The following ST6GALNAC5 variants were observed in gnomAD, a reference collection of about 807,000 sequenced individuals.
The protein encoded by ST6GALNAC5 is ST6 N-acetylgalactosaminide alpha-2,6-sialyltransferase 5, also known as alpha-N-acetylgalactosaminide alpha-2,6-sialyltransferase 5.
Under a neutral mutation model 33.6 loss-of-function variants are expected in ST6GALNAC5, and 27 were observed. The observed-to-expected ratio is 0.80, with a 90% CI of 0.59 to 1.11. The LOEUF is 1.11. ST6GALNAC5 is among the 50% of genes least tolerant of loss of function. ST6GALNAC5 has a pLI of 0.00. For missense variants in ST6GALNAC5, 428 were observed against 454.0 expected, an observed-to-expected ratio of 0.94 and a Z score of 0.52; for synonymous variants, 194 against 171.2, an observed-to-expected ratio of 1.13 and a Z score of -1.04.
At chr1:76,986,347 G>A (rs926537427) in intron 2 of ST6GALNAC5, among the ~76,000 whole-genome samples, 13 of 152,160 alleles carry the variant, frequency 8.5e-5, no homozygotes, top group Non-Finnish European at 1.6e-4. Context: ...ATCAAAAAGT[G>A]TGCAAAGATA....
chr1:76,989,777 G>A (rs1354492499), intron 2 of ST6GALNAC5, among the ~76,000 whole-genome samples: 2 of 151,992 alleles, frequency 1.3e-5, no homozygotes, highest in Non-Finnish European at 2.9e-5. Context: ...TCTTTTTTAT[G>A]AAATTCATTA....
At chr1:76,942,880 A>T (rs546426455) in intron 2 of ST6GALNAC5, among the ~76,000 whole-genome samples, 4 of 152,076 alleles carry the variant, frequency 2.6e-5, no homozygotes, top group Admixed American at 2.6e-4. Context: ...CATCCACAGT[A>T]TCTGATTTAT....
intron 2 of ST6GALNAC5, among the ~76,000 whole-genome samples, chr1:76,875,861 G>A (rs143268857): frequency 0.039 from 5,907 of 152,046 alleles, 196 homozygotes; most frequent in African/African-American, 0.087. Flanking sequence ...AGTTGGCATT[G>A]TAATTGTGAC....
At chr1:76,914,759 ACCATTC>A (rs1249983360) in intron 2 of ST6GALNAC5, among the ~76,000 whole-genome samples, 3 of 152,194 alleles carry the variant, frequency 2.0e-5, no homozygotes, top group African/African-American at 7.2e-5. Flanking sequence ...CCTAGGCATT[ACCATTC>A]AGGACATAGG....
At chr1:77,035,478 A>C (rs1278805932) in intron 2 of ST6GALNAC5, among the ~76,000 whole-genome samples, 2 of 152,168 alleles carry the variant, frequency 1.3e-5, no homozygotes, top group African/African-American at 4.8e-5. Flanking sequence ...TTGCTAGCTA[A>C]GACTAGAAAA....
At chr1:76,954,689 G>C (rs1003521336) in intron 2 of ST6GALNAC5, among the ~76,000 whole-genome samples, 3 of 152,128 alleles carry the variant, frequency 2.0e-5, no homozygotes, top group African/African-American at 7.2e-5. Flanking sequence ...GCCTCAGAGG[G>C]AGGAAGCAGG....
intron 2 of ST6GALNAC5, among the ~76,000 whole-genome samples, chr1:77,025,172 C>T (rs1557765667): frequency 6.6e-6 from 1 of 152,202 alleles, no homozygotes; most frequent in Admixed American, 6.5e-5. Flanking sequence ...TTAGAATTTA[C>T]ATTCTTACGC....
intron 2 of ST6GALNAC5, among the ~76,000 whole-genome samples, chr1:76,988,397 C>T (rs1557750145): frequency 6.6e-6 from 1 of 151,860 alleles, no homozygotes; most frequent in Non-Finnish European, 1.5e-5. Context: ...TATTTTTGTG[C>T]TCTTATTAGA....
rs534821457 is a variant in ST6GALNAC5 at position 76,912,781 on chromosome 1, T to A, written c.261+44039T>A. On this transcript the variant is annotated intron_variant, in intron 2 of 4. Coordinates refer to ENST00000477717, the MANE Select transcript of ST6GALNAC5 (RefSeq NM_030965.3). ...TTTTTGTTTTCCATTTGCTGGTAGA[T>A]CTTCCATCCTTTTATTTTGAGCCTA... 5.3e-5 allele frequency among the ~76,000 whole-genome samples: 8 copies of A among 152,274 alleles called. No individual in the cohort carries two copies. The South Asian group carries it at 1.7e-3, about 32-fold the overall frequency.
At chr1:76,991,295 A>G (rs1022136084) in intron 2 of ST6GALNAC5, among the ~76,000 whole-genome samples, 12 of 152,220 alleles carry the variant, frequency 7.9e-5, no homozygotes, top group African/African-American at 2.4e-4. Context: ...GAAAGCAAAT[A>G]CAAGATTATT....
intron 2 of ST6GALNAC5, among the ~76,000 whole-genome samples, chr1:76,949,109 T>C (rs1370573613): frequency 1.3e-5 from 2 of 152,172 alleles, no homozygotes; most frequent in African/African-American, 4.8e-5. Flanking sequence ...GCCAGGTATG[T>C]GCTCAGCCAC....
chr1:77,019,873 T>C (rs78651287), intron 2 of ST6GALNAC5, among the ~76,000 whole-genome samples: 4,988 of 152,292 alleles, frequency 0.033, 196 homozygotes, highest in African/African-American at 0.094. Context: ...ATGGTTCATT[T>C]CTAACCCCCA....
In ST6GALNAC5 at chr1:76,898,248, G is replaced by T. The variant is rs531718008; in HGVS notation, c.261+29506G>T. Among the ~76,000 whole-genome samples the T allele has an allele frequency of 2.0e-5, 3 of 152,330 alleles. No homozygotes were observed. The South Asian group carries it at 6.2e-4, about 32-fold the overall frequency. On this transcript the variant is annotated intron_variant, in intron 2 of 4. Transcript: ENST00000477717. ...CCAGCACTTGTAGCAAGCTCCTGGG[G>T]GAGGAGGTTCTGGAGGAACCCCTGG...
intron 2 of ST6GALNAC5, among the ~76,000 whole-genome samples, chr1:76,982,091 A>G (rs1001941045): frequency 1.3e-5 from 2 of 152,220 alleles, no homozygotes; most frequent in Admixed American, 1.3e-4. Context: ...TCTGAAAATC[A>G]GAGCACCTCT....
chr1:77,057,107 C>T (rs1002264280), intron 4 of ST6GALNAC5, among the ~76,000 whole-genome samples: 2 of 152,156 alleles, frequency 1.3e-5, no homozygotes, highest in African/African-American at 4.8e-5. Context: ...TCAAACATTT[C>T]CTGAGTACCT....
At chr1:77,020,936 G>A (rs554441098) in intron 2 of ST6GALNAC5, among the ~76,000 whole-genome samples, 10 of 152,240 alleles carry the variant, frequency 6.6e-5, no homozygotes, top group African/African-American at 1.9e-4. Flanking sequence ...CCGGGGTTCC[G>A]CACAGCATGG....
At chr1:76,933,160 T>C (rs1647161892) in intron 2 of ST6GALNAC5, among the ~76,000 whole-genome samples, 1 of 152,060 alleles carries the variant, frequency 6.6e-6, no homozygotes, top group Non-Finnish European at 1.5e-5. Context: ...AAATTTTGTG[T>C]CTAGGGAAAT....
intron 2 of ST6GALNAC5, among the ~76,000 whole-genome samples, chr1:76,939,544 A>G (rs1647277570): frequency 6.6e-6 from 1 of 152,098 alleles, no homozygotes; most frequent in Non-Finnish European, 1.5e-5. Flanking sequence ...CATGGTCCAC[A>G]AAATGTGAAT....
At chr1:77,009,428 G>A (rs556426472) in intron 2 of ST6GALNAC5, among the ~76,000 whole-genome samples, 1 of 152,214 alleles carries the variant, frequency 6.6e-6, no homozygotes, top group South Asian at 2.1e-4. Context: ...GCAGGGAGAG[G>A]GTGAATTGTG....
Sources: gnomAD v4.1 joint callset for allele counts (sites outside exome capture counted in the v4.1 genomes callset) on GRCh38, gnomAD v4.1.1 for gene constraint, MANE v1.5 for transcripts, NCBI Gene and HGNC (gene_info 2026-07-23, HGNC 2026-07-21) for gene names.